Variants in ARHGAP6 observed in about 807,000 individuals in gnomAD.
ARHGAP6 encodes Rho GTPase activating protein 6, also known as rho GTPase-activating protein 6.
Under a neutral mutation model 55.7 loss-of-function variants are expected in ARHGAP6, and 16 were observed. The observed-to-expected ratio is 0.29, with a 90% CI of 0.19 to 0.44. The LOEUF (loss-of-function observed/expected upper bound fraction) is 0.44, where lower values mean the gene tolerates loss of function less well. Ranked by LOEUF, ARHGAP6 falls within the 20% of genes least tolerant of loss-of-function variation. The pLI is 1.00. For synonymous variants in ARHGAP6, 382 were observed against 360.9 expected, an observed-to-expected ratio of 1.06 and a Z score of -0.66; for missense variants, 698 against 808.9, an observed-to-expected ratio of 0.86 and a Z score of 1.66.
intron 1 of ARHGAP6, among the ~76,000 whole-genome samples, chrX:11,409,986 G>A (rs778201713): frequency 8.9e-5 from 10 of 112,039 alleles, no homozygotes; most frequent in Middle Eastern, 9.3e-3. Flanking sequence ...GTACTGGTAA[G>A]GATGTGGAGA....
intron 1 of ARHGAP6, among the ~76,000 whole-genome samples, chrX:11,335,425 T>C (rs1228284067): frequency 9.0e-6 from 1 of 110,781 alleles, no homozygotes; most frequent in Non-Finnish European, 1.9e-5. Flanking sequence ...CCTATGTCCA[T>C]GTGTTCTCAT....
intron 1 of ARHGAP6, among the ~76,000 whole-genome samples, chrX:11,447,047 T>C (rs1205368423): frequency 8.9e-6 from 1 of 112,245 alleles, no homozygotes; most frequent in Non-Finnish European, 1.9e-5. Context: ...CTAGTCAACA[T>C]TGAATTACAC....
At position 11,156,609 on chromosome X, in the gene ARHGAP6, C is replaced by G; in HGVS notation, c.1827G>C (p.Gln609His). 1 of 1,210,217 alleles carries G rather than the reference C, an allele frequency of 8.3e-7. No homozygotes were observed. The highest frequency in any genetic ancestry group is 1.8e-5 in the South Asian group (1 of 56,659). The change falls in exon 10 of 13, where the codon CAG becomes CAC. Residue 609 changes from glutamine (Q) to histidine (H), a missense_variant. By Grantham distance (24) the Gln-to-His change is conservative. Around this residue, in one of 3 missense-constraint regions of ARHGAP6, gnomAD observed 322 missense variants for 451.1 expected, o/e 0.71. Transcript: ENST00000337414. The part of the protein sequence containing the change: ...EALFMVPPDL[Q>H]NEVLISLLET... ...CTAACAGGCTGATCAGCACTTCGTTCTGGAGATCTGGGGGAACCTGAAGGA... is the reference window on the plus strand; with the variant it reads ...CTAACAGGCTGATCAGCACTTCGTTGTGGAGATCTGGGGGAACCTGAAGGA...
Position 11,390,048 on chromosome X carries a change from T to A in ARHGAP6, c.589-135341A>T, listed in dbSNP as rs773305276. ...TTGCCTAGCTTTTCTTCTAGGGTTT[T>A]TATGGTTTTAGGTCTAACATTTAAG... On this transcript the variant is annotated intron_variant, in intron 1 of 12. Coordinates refer to ENST00000337414, the MANE Select transcript of ARHGAP6 (RefSeq NM_013427.3). Among the ~76,000 whole-genome samples, 3 of 112,416 alleles carry A rather than the reference T, an allele frequency of 2.7e-5. No individual in the cohort carries two copies. In the South Asian group the frequency reaches 1.1e-3, roughly 41 times the overall value.
At chrX:11,214,756 G>A (rs1159560412) in intron 2 of ARHGAP6, among the ~76,000 whole-genome samples, 1 of 113,302 alleles carries the variant, frequency 8.8e-6, no homozygotes, top group Admixed American at 9.2e-5. Context: ...CGAGGAGTGC[G>A]GGCAGGCAGG....
chrX:11,498,902 T>C (rs948616646), intron 1 of ARHGAP6, among the ~76,000 whole-genome samples: 1 of 112,002 alleles, frequency 8.9e-6, no homozygotes, highest in Non-Finnish European at 1.9e-5. Flanking sequence ...TTTATTTCAT[T>C]TTTTCTTTTG....
intron 1 of ARHGAP6, among the ~76,000 whole-genome samples, chrX:11,434,008 C>A (rs185860648): frequency 1.4e-4 from 16 of 111,622 alleles, no homozygotes; most frequent in Admixed American, 3.8e-4. Flanking sequence ...CCTCCTAGGC[C>A]AGTGATTCTC....
intron 2 of ARHGAP6, among the ~76,000 whole-genome samples, chrX:11,238,451 T>G (rs777734940): frequency 9.0e-6 from 1 of 111,602 alleles, no homozygotes; most frequent in Non-Finnish European, 1.9e-5. Flanking sequence ...TAGTCAACAG[T>G]TGTATGAATG....
chrX:11,367,357 G>C (rs1029504136), intron 1 of ARHGAP6, among the ~76,000 whole-genome samples: 1 of 111,695 alleles, frequency 9.0e-6, no homozygotes, highest in East Asian at 2.8e-4. Flanking sequence ...AGCTGGGGAA[G>C]AGTTAACATG....
intron 1 of ARHGAP6, among the ~76,000 whole-genome samples, chrX:11,342,671 C>T (rs1037353380): frequency 8.9e-6 from 1 of 112,121 alleles, no homozygotes; most frequent in African/African-American, 3.2e-5. Flanking sequence ...AATTCTGCCA[C>T]TTTGAGGTTT....
chrX:11,387,586 G>A (rs1202608475), intron 1 of ARHGAP6, among the ~76,000 whole-genome samples: 1 of 111,932 alleles, frequency 8.9e-6, no homozygotes. Context: ...AAGTTTTAGA[G>A]TACATGTGCG....
chrX:11,527,618 TAAAAA>T (rs1246704896), intron 1 of ARHGAP6, among the ~76,000 whole-genome samples: 1 of 111,703 alleles, frequency 9.0e-6, no homozygotes, highest in Non-Finnish European at 1.9e-5. Flanking sequence ...TCTCAAAAAA[TAAAAA>T]GAAAAGAAAA....
chrX:11,387,271 C>T (rs2049339852), intron 1 of ARHGAP6, among the ~76,000 whole-genome samples: 1 of 111,692 alleles, frequency 9.0e-6, no homozygotes, highest in Admixed American at 9.5e-5. Context: ...GCACCACCCT[C>T]GACCACTGAG....
intron 9 of ARHGAP6, among the ~76,000 whole-genome samples, chrX:11,168,316 T>C (rs1187272292): frequency 1.8e-5 from 2 of 112,497 alleles, no homozygotes; most frequent in South Asian, 7.3e-4. Context: ...AATTAACAGT[T>C]GCATAAACTG....
At chrX:11,426,365 T>G (rs1375574142) in intron 1 of ARHGAP6, among the ~76,000 whole-genome samples, 1 of 110,992 alleles carries the variant, frequency 9.0e-6, no homozygotes, top group African/African-American at 3.3e-5. Flanking sequence ...AACAATTTTT[T>G]TTTTTTTTAT....
chrX:11,305,973 G>A (rs1465436768), intron 1 of ARHGAP6, among the ~76,000 whole-genome samples: 5 of 111,919 alleles, frequency 4.5e-5, no homozygotes, highest in African/African-American at 9.8e-5. Flanking sequence ...CACCCTATCT[G>A]TCCAAATAAC....
chrX:11,646,329 A>G (rs774197471), intron 1 of ARHGAP6, among the ~76,000 whole-genome samples: 5 of 111,579 alleles, frequency 4.5e-5, no homozygotes, highest in Admixed American at 9.5e-5. Context: ...GAGCCAAACC[A>G]TATCACCCAG....
intron 1 of ARHGAP6, among the ~76,000 whole-genome samples, chrX:11,654,727 G>C (rs1298608173): frequency 9.0e-6 from 1 of 111,274 alleles, no homozygotes; most frequent in African/African-American, 3.3e-5. Context: ...GGCTGCCGAC[G>C]ACTCTGTTCA....
chrX:11,299,054 C>T (rs559356113), intron 1 of ARHGAP6: 32 of 1,078,977 alleles, frequency 3.0e-5, no homozygotes, highest in African/African-American at 5.5e-5. Context: ...CTAAGGTCTC[C>T]GACAACCAAG....
Sources: allele counts gnomAD v4.1 joint callset (sites outside exome capture counted in the v4.1 genomes callset), GRCh38; gene constraint gnomAD v4.1.1; regional missense constraint gnomAD v4.1.1; transcripts MANE v1.5; gene names NCBI Gene and HGNC (gene_info 2026-07-23, HGNC 2026-07-21).